DLG2: variants seen among roughly 807,000 people sequenced by gnomAD.
The protein encoded by DLG2 is discs large MAGUK scaffold protein 2.
DLG2 carries 45 observed loss-of-function variants against 132.5 expected under a neutral mutation model. The observed-to-expected ratio is 0.34, with a 90% confidence interval of 0.27 to 0.44. The LOEUF (loss-of-function observed/expected upper bound fraction) is 0.44, where lower values mean the gene tolerates loss of function less well. DLG2 is among the 20% of genes least tolerant of loss of function. DLG2 has a pLI of 1.00. For synonymous variants in DLG2, 424 were observed against 419.6 expected (o/e 1.01, Z -0.13); for missense variants, 1,045 against 1,196.9 (o/e 0.87, Z 1.87).
At chr11:83,673,488 G>T (rs1341752117) in intron 18 of DLG2, among the ~76,000 whole-genome samples, 1 of 152,210 alleles carries the variant, frequency 6.6e-6, no homozygotes, top group African/African-American at 2.4e-5. Context: ...TGGGGCAACT[G>T]AAGCAAGCAA....
chr11:84,761,719 T>C (rs2153864337), intron 6 of DLG2, among the ~76,000 whole-genome samples: 1 of 152,292 alleles, frequency 6.6e-6, no homozygotes, highest in East Asian at 1.9e-4. Context: ...TACTACAGAC[T>C]GAAGGCTGCT....
At chr11:84,107,011 T>TGAGAGAGA (rs375475609) in intron 9 of DLG2, among the ~76,000 whole-genome samples, 8,195 of 106,668 alleles carry the variant, frequency 0.077, 334 homozygotes, top group African/African-American at 0.12. Context: ...TGTGTGTGTG[T>TGAGAGAGA]GTGAGAGAGT....
chr11:84,642,515 A>T (rs1459542232), intron 6 of DLG2, among the ~76,000 whole-genome samples: 1 of 152,156 alleles, frequency 6.6e-6, no homozygotes, highest in Non-Finnish European at 1.5e-5. Context: ...CCTATGTACC[A>T]AGCACCATAT....
chr11:84,691,469 A>C (rs549944401), intron 6 of DLG2, among the ~76,000 whole-genome samples: 16 of 152,014 alleles, frequency 1.1e-4, no homozygotes, highest in African/African-American at 3.9e-4. Context: ...TAGTAACTTA[A>C]AAAAACTATG....
chr11:84,017,416 A>G (rs1270367691), intron 11 of DLG2, among the ~76,000 whole-genome samples: 2 of 152,070 alleles, frequency 1.3e-5, no homozygotes, highest in Non-Finnish European at 2.9e-5. Context: ...AAGCTTTTAA[A>G]TGAAAATGCA....
At chr11:85,263,852 A>G (rs2077067880) in intron 4 of DLG2, among the ~76,000 whole-genome samples, 2 of 152,198 alleles carry the variant, frequency 1.3e-5, no homozygotes, top group South Asian at 4.1e-4. Context: ...TGAAGCTGAC[A>G]TCATAGGTGG....
At chr11:84,760,970 C>G (rs1296147902) in intron 6 of DLG2, among the ~76,000 whole-genome samples, 1 of 152,184 alleles carries the variant, frequency 6.6e-6, no homozygotes, top group Admixed American at 6.5e-5. Context: ...AAACCTGGCA[C>G]TCATCCTTTG....
At chr11:84,003,710 G>T (rs2094457159) in intron 11 of DLG2, among the ~76,000 whole-genome samples, 1 of 151,962 alleles carries the variant, frequency 6.6e-6, no homozygotes, top group African/African-American at 2.4e-5. Flanking sequence ...GGGGATTATG[G>T]GTATTATATG....
chr11:84,227,313 T>C (rs979881114), intron 8 of DLG2, among the ~76,000 whole-genome samples: 6 of 151,556 alleles, frequency 4.0e-5, no homozygotes, highest in South Asian at 2.1e-4. Flanking sequence ...GATCAGAGAA[T>C]TGCAAAAGGA....
intron 7 of DLG2, among the ~76,000 whole-genome samples, chr11:84,396,965 T>C (rs2098813123): frequency 6.6e-6 from 1 of 152,188 alleles, no homozygotes. Context: ...TAATAGTAAA[T>C]GTCACGTGCA....
intron 3 of DLG2, among the ~76,000 whole-genome samples, chr11:85,503,749 C>T (rs1480907023): frequency 6.6e-6 from 1 of 151,962 alleles, no homozygotes; most frequent in Non-Finnish European, 1.5e-5. Flanking sequence ...CCAGGTAACA[C>T]AGCAAGACAT....
At chr11:83,556,233 G>A (rs190385552) in intron 19 of DLG2, among the ~76,000 whole-genome samples, 2 of 152,280 alleles carry the variant, frequency 1.3e-5, no homozygotes, top group East Asian at 3.9e-4. Flanking sequence ...AAGTTCCCAG[G>A]AGGAAGTCAA....
At position 84,427,252 on chromosome 11, in the gene DLG2, G is replaced by A. The variant is rs73523753; in HGVS notation, c.519+107318C>T. On this transcript the variant is annotated intron_variant, in intron 7 of 27. Transcript: ENST00000376104. ...AAGGGAATGAAGGAAGGAAAGAAGA[G>A]AGGGAGGGAGGAAAGAAAGGAGGTA... Among the ~76,000 whole-genome samples, 206 of 151,864 alleles carry A rather than the reference G, an allele frequency of 1.4e-3. 1 individual carries two copies. Among genetic ancestry groups the A allele is most frequent in the African/African-American group, 4.8e-3 (196 of 41,240 alleles).
At chr11:83,879,507 C>T (rs769722573) in intron 15 of DLG2, among the ~76,000 whole-genome samples, 3 of 151,956 alleles carry the variant, frequency 2.0e-5, no homozygotes, top group African/African-American at 2.4e-5. Flanking sequence ...TTCTCTTTTT[C>T]TGTCTACTTT....
At chr11:84,559,650 A>G (rs1326037694) in intron 6 of DLG2, among the ~76,000 whole-genome samples, 2 of 152,138 alleles carry the variant, frequency 1.3e-5, no homozygotes, top group Non-Finnish European at 2.9e-5. Flanking sequence ...AAGCTTCAAC[A>G]TGCAAATATG....
At chr11:84,848,801 C>A (rs1018303143) in intron 6 of DLG2, among the ~76,000 whole-genome samples, 9 of 152,266 alleles carry the variant, frequency 5.9e-5, no homozygotes, top group African/African-American at 2.2e-4. Flanking sequence ...TCACTTGGGG[C>A]CAGAAGTCCA....
chr11:83,528,441 C>T (rs2095660377), intron 21 of DLG2, among the ~76,000 whole-genome samples: 1 of 152,170 alleles, frequency 6.6e-6, no homozygotes, highest in Admixed American at 6.5e-5. Flanking sequence ...CCTTGACTTG[C>T]TTAACCCTAT....
At chr11:85,546,750 CTTCT>C (rs1303342655) in intron 3 of DLG2, among the ~76,000 whole-genome samples, 2 of 121,732 alleles carry the variant, frequency 1.6e-5, no homozygotes, top group Non-Finnish European at 3.4e-5. Context: ...ATGTAATGGC[CTTCT>C]TTGTCTCTTT....
At chr11:85,088,727 C>T (rs1416415150) in intron 6 of DLG2, among the ~76,000 whole-genome samples, 1 of 152,126 alleles carries the variant, frequency 6.6e-6, no homozygotes, top group Non-Finnish European at 1.5e-5. Flanking sequence ...GCTTAATATA[C>T]CCCTTTAAGC....
Sources: allele counts gnomAD v4.1 joint callset (sites outside exome capture counted in the v4.1 genomes callset), GRCh38; gene constraint gnomAD v4.1.1; transcripts MANE v1.5; gene names NCBI Gene and HGNC (gene_info 2026-07-23, HGNC 2026-07-21).